Variants in CHRM5 observed in about 807,000 individuals in gnomAD.
CHRM5 encodes cholinergic receptor muscarinic 5.
In CHRM5, 18 loss-of-function variants were observed where a neutral mutation model predicts 39.0. That is an observed-to-expected ratio of 0.46 (90% CI 0.32 to 0.68). The LOEUF is 0.68. CHRM5 is among the 30% of genes least tolerant of loss of function. CHRM5 has a pLI of 0.04. For synonymous variants in CHRM5, 241 were observed against 246.3 expected, an observed-to-expected ratio of 0.98 and a Z score of 0.20; for missense variants, 515 against 651.1, an observed-to-expected ratio of 0.79 and a Z score of 2.28.
At chr15:34,033,287 C>T (rs532258092) in intron 1 of CHRM5, among the ~76,000 whole-genome samples, 1 of 152,230 alleles carries the variant, frequency 6.6e-6, no homozygotes, top group South Asian at 2.1e-4. Flanking sequence ...GGGCGGACTG[C>T]CTGACCTCAG....
At chr15:34,051,868 GA>G (rs1337859080) in intron 2 of CHRM5, among the ~76,000 whole-genome samples, 9 of 145,718 alleles carry the variant, frequency 6.2e-5, no homozygotes, top group South Asian at 2.2e-4. Context: ...ACCAAAAAAA[GA>G]AAAAAAAAAC....
chr15:33,977,266 C>T (rs1895924535), intron 1 of CHRM5, among the ~76,000 whole-genome samples: 1 of 151,878 alleles, frequency 6.6e-6, no homozygotes, highest in African/African-American at 2.4e-5. Context: ...CAAGAACAAG[C>T]TCCAATACTC....
chr15:33,991,230 C>A (rs1896707541), intron 1 of CHRM5: 1 of 152,030 alleles, frequency 6.6e-6, no homozygotes, highest in South Asian at 2.1e-4. Context: ...TTATAGAGAC[C>A]CTGGCCCTGA....
At chr15:34,008,976 A>AC (rs1567464084) in intron 1 of CHRM5, among the ~76,000 whole-genome samples, 1 of 125,874 alleles carries the variant, frequency 7.9e-6, no homozygotes, top group Non-Finnish European at 1.9e-5. Flanking sequence ...ACACACACAC[A>AC]GACCATCGAG....
At chr15:34,000,921 G>C (rs1897113591) in intron 1 of CHRM5, among the ~76,000 whole-genome samples, 1 of 151,956 alleles carries the variant, frequency 6.6e-6, no homozygotes, top group Non-Finnish European at 1.5e-5. Context: ...AAATACATGA[G>C]AGACTCAATC....
intron 1 of CHRM5, among the ~76,000 whole-genome samples, 181 bp from the exon 2 acceptor site, chr15:34,046,359 G>T (rs900844161): frequency 3.0e-5 from 4 of 133,308 alleles, no homozygotes; most frequent in Non-Finnish European, 4.9e-5. Flanking sequence ...AAAAAAAAAC[G>T]GGAAAAAGAG....
intron 1 of CHRM5, among the ~76,000 whole-genome samples, chr15:34,031,051 C>A (rs767094781): frequency 6.6e-6 from 1 of 151,494 alleles, no homozygotes; most frequent in African/African-American, 2.4e-5. Flanking sequence ...GTGTCAGTAA[C>A]TTGACACAGT....
At chr15:34,016,060 T>G (rs1452585658) in intron 1 of CHRM5, among the ~76,000 whole-genome samples, 1 of 152,092 alleles carries the variant, frequency 6.6e-6, no homozygotes, top group Non-Finnish European at 1.5e-5. Flanking sequence ...GCGGATCGCC[T>G]GAGGTCAGGA....
chr15:34,051,027 C>T (rs908958570), intron 2 of CHRM5, among the ~76,000 whole-genome samples: 2 of 152,172 alleles, frequency 1.3e-5, no homozygotes, highest in African/African-American at 4.8e-5. Flanking sequence ...GAACTCTCCA[C>T]CCCAAAACAA....
intron 1 of CHRM5, among the ~76,000 whole-genome samples, chr15:33,987,593 A>G (rs1375046371): frequency 6.6e-6 from 1 of 152,146 alleles, no homozygotes; most frequent in African/African-American, 2.4e-5. Context: ...TTCTCCAACC[A>G]TGAGCTCCCA....
intron 1 of CHRM5, among the ~76,000 whole-genome samples, chr15:33,992,589 G>C (rs948002389): frequency 6.6e-6 from 1 of 152,090 alleles, no homozygotes; most frequent in African/African-American, 2.4e-5. Flanking sequence ...AAATATCAAA[G>C]GGAAGAATCT....
At chr15:34,028,780 C>CA (rs1395957765) in intron 1 of CHRM5, among the ~76,000 whole-genome samples, 2 of 152,006 alleles carry the variant, frequency 1.3e-5, no homozygotes, top group Non-Finnish European at 2.9e-5. Context: ...ACAACTAGCA[C>CA]ATGGGGGGTG....
At chr15:33,993,935 C>G (rs1896830583) in intron 1 of CHRM5, among the ~76,000 whole-genome samples, 1 of 152,172 alleles carries the variant, frequency 6.6e-6, no homozygotes, top group Non-Finnish European at 1.5e-5. Context: ...TGAAAAGATT[C>G]ATCCACTTAT....
Position 34,053,329 on chromosome 15 carries a change from T to A in CHRM5, c.-76+6458T>A, listed in dbSNP as rs1364624840. 3.8e-5 allele frequency among the ~76,000 whole-genome samples: 5 copies of A among 132,532 alleles called. No homozygotes were observed. In the Admixed American group the frequency reaches 3.9e-4, roughly 10 times the overall value. 86.9% of individuals were successfully genotyped at this position (132,532 alleles called of 152,430 possible). On this transcript the variant is annotated intron_variant, in intron 2 of 2. Transcript: ENST00000383263. ...AAAAAAAAAAAAAAAAATATATATA[T>A]ATATATATATATATGGAACTGAAAA...
intron 1 of CHRM5, among the ~76,000 whole-genome samples, chr15:34,017,132 G>A (rs1252173799): frequency 2.0e-5 from 3 of 150,974 alleles, no homozygotes; most frequent in Non-Finnish European, 4.4e-5. Flanking sequence ...TGTCTCAAGG[G>A]GGAAAAAAAA....
chr15:34,016,753 G>A (rs143972786), intron 1 of CHRM5, among the ~76,000 whole-genome samples: 454 of 152,258 alleles, frequency 3.0e-3, no homozygotes, highest in African/African-American at 0.01. Flanking sequence ...TAACCGTTTG[G>A]TCAAAAACAA....
intron 1 of CHRM5, among the ~76,000 whole-genome samples, chr15:34,004,088 G>T (rs1237083078): frequency 6.6e-6 from 1 of 152,154 alleles, no homozygotes; most frequent in Non-Finnish European, 1.5e-5. Context: ...TAGCGTCTGT[G>T]TGAGCAACTA....
intron 1 of CHRM5, among the ~76,000 whole-genome samples, chr15:33,999,574 G>C (rs1567458274): frequency 6.6e-6 from 1 of 152,104 alleles, no homozygotes; most frequent in South Asian, 2.1e-4. Context: ...CCAAAACCTA[G>C]TGTCATCCTT....
intron 1 of CHRM5, among the ~76,000 whole-genome samples, chr15:34,026,632 T>C (rs1172480732): frequency 6.6e-6 from 1 of 152,046 alleles, no homozygotes; most frequent in Admixed American, 6.6e-5. Flanking sequence ...CATGAAAAGA[T>C]AGACAATCAG....
Sources: gnomAD v4.1 joint callset for allele counts (sites outside exome capture counted in the v4.1 genomes callset) on GRCh38, gnomAD v4.1.1 for gene constraint, MANE v1.5 for transcripts, NCBI Gene and HGNC (gene_info 2026-07-23, HGNC 2026-07-21) for gene names.